TSHR: variants seen among roughly 807,000 people sequenced by gnomAD.
The protein encoded by TSHR is thyroid stimulating hormone receptor.
In TSHR, 51 loss-of-function variants were observed where a neutral mutation model predicts 64.1. The observed-to-expected ratio is 0.80, with a 90% CI of 0.64 to 1.01. The LOEUF is 1.01. Among genes scored for constraint, TSHR ranks in the 50% least tolerant of loss-of-function variants. TSHR has a pLI of 0.00. For synonymous variants in TSHR, 361 were observed against 361.9 expected, an observed-to-expected ratio of 1.00 and a Z score of 0.03; for missense variants, 877 against 942.8, an observed-to-expected ratio of 0.93 and a Z score of 0.91.
At chr14:80,979,299 G>T (rs1341600989) in intron 1 of TSHR, among the ~76,000 whole-genome samples, 1 of 152,222 alleles carries the variant, frequency 6.6e-6, no homozygotes, top group Non-Finnish European at 1.5e-5. Context: ...TCATGCATAT[G>T]TGGAGTCTAA....
At chr14:81,087,926 G>A (rs1322367112) in intron 3 of TSHR, 28 bp from the exon 4 acceptor site, 11 of 1,498,000 alleles carry the variant, frequency 7.3e-6, no homozygotes, top group Admixed American at 6.7e-5. Flanking sequence ...ATGCATTATA[G>A]TGACTGTGTT....
chr14:80,971,266 A>C (rs1887576236), intron 1 of TSHR, among the ~76,000 whole-genome samples: 1 of 151,950 alleles, frequency 6.6e-6, no homozygotes, highest in Admixed American at 6.6e-5. Context: ...TTGCCCACCA[A>C]CTCTAATTAG....
chr14:81,139,847 G>C lies in TSHR; in HGVS notation c.861G>C (p.Lys287Asn), dbSNP rs372126085. The change falls in exon 9 of 10, where the codon AAG (lysine) becomes AAC (asparagine). Residue 287 changes from lysine to asparagine, a missense_variant. By Grantham distance (94) the Lys-to-Asn change is moderately conservative. Coordinates refer to ENST00000298171, the MANE Select transcript of TSHR (RefSeq NM_000369.5). Reference sequence around the variant, plus strand: ...ACCCAAGCCACTGCTGTGCTTTTAAGAATCAGAAGAAAATCAGAGGGTAAG... The same window carrying C: ...ACCCAAGCCACTGCTGTGCTTTTAACAATCAGAAGAAAATCAGAGGGTAAG... ...LSYPSHCCAF[K>N]NQKKIRGILE... 1 of 1,614,086 alleles carries C rather than the reference G, an allele frequency of 6.2e-7. No homozygotes were observed. Among genetic ancestry groups the C allele is most frequent in the African/African-American group, 1.3e-5 (1 of 74,932 alleles).
rs887541689 is a variant in TSHR at position 80,999,926 on chromosome 14, C to CTTTTTTTT, written c.170+44077_170+44084dup. Among the ~76,000 whole-genome samples the CTTTTTTTT allele has an allele frequency of 2.0e-4, 28 of 142,906 alleles. 2 individuals carry two copies. The highest frequency in any genetic ancestry group is 3.9e-3 in the Middle Eastern group (1 of 258). The allele number at this position is 142,906 out of a possible 152,430, so 93.8% of individuals were successfully genotyped here. A position where few individuals can be genotyped will look rare whatever the true frequency, so the allele number is the denominator to read the frequency against. ...TGGGGAAGACTACCAAATTTTTTTTCTTTTTTTTCTTTTTTTTTTTTTTGA... is the reference window on the plus strand; with the variant it reads ...TGGGGAAGACTACCAAATTTTTTTTCTTTTTTTTTTTTTTTTCTTTTTTTTTTTTTTGA... On this transcript the variant is annotated intron_variant, in intron 1 of 9. Coordinates refer to ENST00000298171, the MANE Select transcript of TSHR (RefSeq NM_000369.5).
At chr14:81,094,580 A>T (rs1159357741) in intron 6 of TSHR, among the ~76,000 whole-genome samples, 2 of 152,138 alleles carry the variant, frequency 1.3e-5, no homozygotes, top group Non-Finnish European at 2.9e-5. Context: ...AAACACATCA[A>T]CAATGACAAC....
intron 1 of TSHR, among the ~76,000 whole-genome samples, chr14:80,990,336 TA>T (rs1388000620): frequency 6.6e-6 from 1 of 152,224 alleles, no homozygotes; most frequent in Non-Finnish European, 1.5e-5. Flanking sequence ...GGGCAGCTCA[TA>T]ATAAGCAACT....
chr14:81,061,910 T>C (rs1886273310), intron 1 of TSHR, among the ~76,000 whole-genome samples: 1 of 152,172 alleles, frequency 6.6e-6, no homozygotes, highest in Admixed American at 6.6e-5. Flanking sequence ...TGCTAATTCA[T>C]AGATGAAGTC....
At chr14:80,991,515 C>G (rs1888724489) in intron 1 of TSHR, 1 of 398,132 alleles carries the variant, frequency 2.5e-6, no homozygotes, top group African/African-American at 2.1e-5. Context: ...ATTAACGCAA[C>G]CATTCTTTCC....
At chr14:80,997,942 T>C (rs12323699) in intron 1 of TSHR, among the ~76,000 whole-genome samples, 31,586 of 152,016 alleles carry the variant, frequency 0.21, 4,478 homozygotes, top group African/African-American at 0.39. Flanking sequence ...CTGAACTGTC[T>C]CATGAGATGG....
rs1006404922 is a variant in TSHR, at chr14:81,033,909, T to C, written c.171-28239T>C. Among the ~76,000 whole-genome samples, 7 of 152,192 alleles carry C rather than the reference T, an allele frequency of 4.6e-5. No homozygotes were observed. The South Asian group carries it at 1.0e-3, about 23-fold the overall frequency. ...AGTGGTGATCTTGTAAAATGCACCA[T>C]TGATAAATCATCTCCAGTTATGCAA... On this transcript the variant is annotated intron_variant, in intron 1 of 9. Transcript: ENST00000298171.
chr14:80,972,311 A>T (rs749710170), intron 1 of TSHR, among the ~76,000 whole-genome samples: 28 of 151,798 alleles, frequency 1.8e-4, no homozygotes, highest in Non-Finnish European at 3.5e-4. Context: ...TTGCTCAGTT[A>T]TGTGTTTGTA....
intron 1 of TSHR, among the ~76,000 whole-genome samples, chr14:81,020,247 G>T (rs1265523650): frequency 3.3e-5 from 5 of 152,208 alleles, no homozygotes; most frequent in African/African-American, 9.6e-5. Flanking sequence ...CTAAAAGACT[G>T]TGGGGAATTA....
intron 6 of TSHR, among the ~76,000 whole-genome samples, chr14:81,092,878 C>T (rs977239501): frequency 6.6e-6 from 1 of 152,212 alleles, no homozygotes; most frequent in Non-Finnish European, 1.5e-5. Flanking sequence ...ACAGACCATG[C>T]AACCTCTGTA....
chr14:81,056,676 A>C (rs536560305), intron 1 of TSHR, among the ~76,000 whole-genome samples: 1 of 152,310 alleles, frequency 6.6e-6, no homozygotes, highest in East Asian at 1.9e-4. Flanking sequence ...CCATAAGTCA[A>C]ACTTATCAAG....
intron 1 of TSHR, among the ~76,000 whole-genome samples, chr14:80,990,211 A>T (rs559606668): frequency 6.6e-6 from 1 of 152,358 alleles, no homozygotes; most frequent in East Asian, 1.9e-4. Context: ...GGGCTAAGGG[A>T]CAATGCAGTG....
intron 3 of TSHR, among the ~76,000 whole-genome samples, chr14:81,073,000 A>AAAG: frequency 1.5e-5 from 1 of 67,632 alleles, no homozygotes; most frequent in Non-Finnish European, 2.7e-5. Flanking sequence ...CCGTCTCAAA[A>AAAG]AAAAAAAAAA....
intron 1 of TSHR, among the ~76,000 whole-genome samples, chr14:80,960,491 G>A (rs970152685): frequency 1.3e-5 from 2 of 152,116 alleles, no homozygotes; most frequent in African/African-American, 4.8e-5. Flanking sequence ...ATGAAACACT[G>A]TTCTAAGAGG....
intron 1 of TSHR, among the ~76,000 whole-genome samples, chr14:81,044,657 C>G (rs978698088): frequency 1.8e-5 from 2 of 113,564 alleles, no homozygotes; most frequent in Non-Finnish European, 3.5e-5. Flanking sequence ...GACTCTGTCT[C>G]AAAAAAAAAA....
At chr14:81,121,720 T>C in intron 8 of TSHR, among the ~76,000 whole-genome samples, 1 of 152,078 alleles carries the variant, frequency 6.6e-6, no homozygotes, top group Non-Finnish European at 1.5e-5. Flanking sequence ...AGCAGGCGGA[T>C]CACTTGAGGT....
Sources: allele counts gnomAD v4.1 joint callset (sites outside exome capture counted in the v4.1 genomes callset), GRCh38; gene constraint gnomAD v4.1.1; transcripts MANE v1.5; gene names NCBI Gene and HGNC (gene_info 2026-07-23, HGNC 2026-07-21).